Variants in LRRC66 observed in about 807,000 individuals in gnomAD.
The protein encoded by LRRC66 is leucine-rich repeat-containing protein 66.
Under a neutral mutation model 24.6 loss-of-function variants are expected in LRRC66, and 29 were observed. The observed-to-expected ratio is 1.18, with a 90% CI of 0.88 to 1.61. The LOEUF (loss-of-function observed/expected upper bound fraction) is 1.61. Ranked by LOEUF, LRRC66 falls within the 40% of genes most tolerant of loss-of-function variation. The pLI, the probability that LRRC66 is intolerant of heterozygous loss-of-function variation, is 0.00. For synonymous variants in LRRC66, 411 were observed against 397.6 expected (o/e 1.03, Z -0.40); for missense variants, 1,124 against 1,058.0 (o/e 1.06, Z -0.87).
intron 3 of LRRC66, among the ~76,000 whole-genome samples, chr4:52,002,222 C>T (rs1736460782): frequency 6.6e-6 from 1 of 152,172 alleles, no homozygotes; most frequent in East Asian, 1.9e-4. Context: ...ACACTTACCA[C>T]TAAGAAGAAA....
Position 51,995,518 on chromosome 4 carries a change from C to G in LRRC66, c.1504G>C (p.Asp502His), listed in dbSNP as rs745337722. The change falls in exon 5 of 5, where the codon GAT becomes CAT. Residue 502 changes from aspartate to histidine, a missense_variant. Asp to His is a moderately conservative substitution (Grantham distance 81). Coordinates refer to ENST00000682860, the MANE Select transcript of LRRC66 (RefSeq NM_001024611.3). The part of the protein sequence containing the change: ...GDNTGAGSGN[D>H]GAVYSILQRH... ...TGGAGAATGGAATAGACTGCACCATCATTTCCACTTCCTGCCCCGGTGTTG... is the reference window on the plus strand; with the variant it reads ...TGGAGAATGGAATAGACTGCACCATGATTTCCACTTCCTGCCCCGGTGTTG... 1 of 1,614,080 alleles carries G rather than the reference C, an allele frequency of 6.2e-7. No homozygotes were observed. The highest frequency in any genetic ancestry group is 1.1e-5 in the South Asian group (1 of 91,076).
Position 51,997,851 on chromosome 4 carries a change from C to A in LRRC66, c.753G>T (p.Leu251Phe). Residue 251 changes from leucine to phenylalanine, a missense_variant, in exon 4 of 5, where the codon TTG becomes TTT. Transcript: ENST00000682860. ...ALEFPHLVVD[L>F]ADNNWQCDDS... ...CATCACACTGCCAGTTATTATCAGC[C>A]AAGTCAACCACTAGATGGGGAAATT... The A allele has an allele frequency of 6.2e-7, 1 of 1,613,988 alleles. No homozygotes were observed. The highest frequency in any genetic ancestry group is 8.5e-7 in the Non-Finnish European group (1 of 1,179,964).
At chr4:52,018,570 C>T in intron 1 of LRRC66, 1 of 985,408 alleles carries the variant, frequency 1.0e-6, no homozygotes, top group Non-Finnish European at 1.2e-6. Context: ...ACTTTCTTGC[C>T]TCTGCCTCTT....
At chr4:52,006,696 TATA>T (rs71660471) in intron 2 of LRRC66, among the ~76,000 whole-genome samples, 58,594 of 132,458 alleles carry the variant, frequency 0.44, 14,799 homozygotes, top group Non-Finnish European at 0.57. Context: ...AAACTTAAAG[TATA>T]ATAATAATAA....
At chr4:52,010,797 T>A (rs1338219103) in intron 2 of LRRC66, among the ~76,000 whole-genome samples, 2 of 152,170 alleles carry the variant, frequency 1.3e-5, no homozygotes, top group Non-Finnish European at 2.9e-5. Flanking sequence ...TGTAGAATGA[T>A]TTATTTTTCC....
chr4:52,009,725 GT>G (rs1736656693), intron 2 of LRRC66, among the ~76,000 whole-genome samples: 1 of 152,106 alleles, frequency 6.6e-6, no homozygotes, highest in African/African-American at 2.4e-5. Flanking sequence ...AAAAACTCCT[GT>G]TCAGATAGCT....
In LRRC66 at chr4:52,003,404, A is replaced by G. The variant is rs777739732; in HGVS notation, c.497-12T>C. On this transcript the variant is annotated splice_polypyrimidine_tract_variant and intron_variant, in intron 2 of 4. Transcript: ENST00000682860. ...CAGTTTCCACAGTCCTGTTAAAATG[A>G]AAAAGTAAGTTGAAATCTAAACTGG... The G allele has an allele frequency of 1.2e-6, 2 of 1,604,050 alleles. No homozygotes were observed. Among genetic ancestry groups the G allele is most frequent in the East Asian group, 2.2e-5 (1 of 44,736 alleles).
chr4:52,011,158 C>T (rs1736691741), intron 2 of LRRC66, among the ~76,000 whole-genome samples: 1 of 152,038 alleles, frequency 6.6e-6, no homozygotes, highest in Non-Finnish European at 1.5e-5. Flanking sequence ...AAGTGCTCTC[C>T]CAAGTATGAT....
At chr4:52,016,229 G>A (rs1261322778) in intron 2 of LRRC66, among the ~76,000 whole-genome samples, 2 of 152,130 alleles carry the variant, frequency 1.3e-5, no homozygotes, top group African/African-American at 4.8e-5. Flanking sequence ...CAAAGCTGGA[G>A]AAAGAGCATG....
chr4:52,012,672 T>C (rs971983107), intron 2 of LRRC66, among the ~76,000 whole-genome samples: 9 of 152,204 alleles, frequency 5.9e-5, no homozygotes, highest in African/African-American at 1.7e-4. Flanking sequence ...GGGTACATTT[T>C]ATACTTCAAG....
chr4:51,998,930 A>G (rs905062101), intron 3 of LRRC66, among the ~76,000 whole-genome samples: 1 of 152,220 alleles, frequency 6.6e-6, no homozygotes, highest in African/African-American at 2.4e-5. Flanking sequence ...AGACCCTAGC[A>G]CCTAGTACAT....
rs1309736920 is a variant in LRRC66 at position 51,996,122 on chromosome 4, G to T, written c.900C>A (p.Ser300=). 4.3e-6 allele frequency: 7 copies of T among 1,613,942 alleles called. No individual in the cohort carries two copies. The highest frequency in any genetic ancestry group is 5.9e-6 in the Non-Finnish European group (7 of 1,179,936). ...GAATGGGAGGAAGGCGGGTTTCCCT[G>T]GAAATCCTGCTCTGGGGAGTGCCCC... ...ANGGTPQSRI[S]RETRLPPIHL... The change falls in exon 5 of 5, where the codon TCC becomes TCA. Residue 300 remains serine, a synonymous_variant. Coordinates refer to ENST00000682860, the MANE Select transcript of LRRC66 (RefSeq NM_001024611.3).
chr4:51,994,346 T>A lies in LRRC66; in HGVS notation c.*33A>T, dbSNP rs1179842000. The A allele has an allele frequency of 2.6e-6, 4 of 1,555,570 alleles. No homozygotes were observed. In the Admixed American group the frequency reaches 7.3e-5, roughly 28 times the overall value. ...CCATGATCTTTAAAAGAATATTGTT[T>A]AGAGCTGTGAATATTTCCTTAATGA... On this transcript the variant is annotated 3_prime_UTR_variant, in exon 5 of 5. Transcript: ENST00000682860.
At chr4:52,015,506 G>A (rs1736789359) in intron 2 of LRRC66, among the ~76,000 whole-genome samples, 1 of 152,096 alleles carries the variant, frequency 6.6e-6, no homozygotes, top group Non-Finnish European at 1.5e-5. Context: ...CTCAAGCTGG[G>A]TACAAATCCA....
At chr4:52,014,207 G>A (rs1181737447) in intron 2 of LRRC66, among the ~76,000 whole-genome samples, 5 of 152,166 alleles carry the variant, frequency 3.3e-5, no homozygotes, top group East Asian at 1.9e-4. Context: ...AGCCGAGATC[G>A]TGCCATTTTT....
At chr4:52,008,067 T>C (rs1736625140) in intron 2 of LRRC66, among the ~76,000 whole-genome samples, 1 of 152,146 alleles carries the variant, frequency 6.6e-6, no homozygotes, top group Non-Finnish European at 1.5e-5. Context: ...TGAATTATGC[T>C]GGATTAAGTT....
intron 2 of LRRC66, among the ~76,000 whole-genome samples, chr4:52,008,860 T>G (rs1736641206): frequency 6.6e-6 from 1 of 152,098 alleles, no homozygotes; most frequent in South Asian, 2.1e-4. Flanking sequence ...GGTTAAATAT[T>G]TTTTCTTATA....
intron 2 of LRRC66, among the ~76,000 whole-genome samples, chr4:52,010,684 A>C (rs1181708181): frequency 6.6e-6 from 1 of 152,094 alleles, no homozygotes; most frequent in Non-Finnish European, 1.5e-5. Context: ...TATGTACCAC[A>C]TTTTCTCTAT....
At chr4:52,019,510 G>A (rs1736896312) in intron 1 of LRRC66, among the ~76,000 whole-genome samples, 1 of 152,096 alleles carries the variant, frequency 6.6e-6, no homozygotes, top group Admixed American at 6.6e-5. Flanking sequence ...TAAAACTTTT[G>A]TTTCATACAA....
Sources: allele counts gnomAD v4.1 joint callset (sites outside exome capture counted in the v4.1 genomes callset), GRCh38; gene constraint gnomAD v4.1.1; transcripts MANE v1.5; gene names NCBI Gene and HGNC (gene_info 2026-07-23, HGNC 2026-07-21).